ZDHHC14: variants seen among roughly 807,000 people sequenced by gnomAD.
ZDHHC14 encodes palmitoyltransferase ZDHHC14.
A neutral mutation model predicts 47.7 loss-of-function variants in ZDHHC14; 16 were observed. That is an observed-to-expected ratio of 0.34 (90% CI 0.23 to 0.51). The LOEUF (loss-of-function observed/expected upper bound fraction) is 0.51. Ranked by LOEUF, ZDHHC14 falls within the 20% of genes least tolerant of loss-of-function variation. The pLI is 0.97. For synonymous variants in ZDHHC14, 293 were observed against 278.9 expected (o/e 1.05, Z -0.50); for missense variants, 515 against 662.5 (o/e 0.78, Z 2.44).
chr6:157,437,442 C>T (rs150836882), intron 1 of ZDHHC14, among the ~76,000 whole-genome samples: 2,279 of 152,296 alleles, frequency 0.015, 31 homozygotes, highest in Non-Finnish European at 0.023. Context: ...GTTCTGTCTC[C>T]AGCCTTGAAC....
At chr6:157,395,239 C>T (rs542407691) in intron 1 of ZDHHC14, among the ~76,000 whole-genome samples, 1 of 151,706 alleles carries the variant, frequency 6.6e-6, no homozygotes, top group African/African-American at 2.4e-5. Context: ...TAGCTTACCA[C>T]AGCCGTGACC....
At chr6:157,608,609 T>G (rs972551731) in intron 3 of ZDHHC14, among the ~76,000 whole-genome samples, 2 of 151,988 alleles carry the variant, frequency 1.3e-5, no homozygotes, top group African/African-American at 4.8e-5. Flanking sequence ...GGACCAGAGG[T>G]GTGGCTGACG....
At chr6:157,429,579 A>G (rs558818434) in intron 1 of ZDHHC14, among the ~76,000 whole-genome samples, 4 of 126,900 alleles carry the variant, frequency 3.2e-5, no homozygotes, top group African/African-American at 9.1e-5. Context: ...GGAAGGAAGG[A>G]AGGGAGGGAG....
intron 3 of ZDHHC14, among the ~76,000 whole-genome samples, chr6:157,605,118 A>T (rs190255039): frequency 6.6e-6 from 1 of 152,368 alleles, no homozygotes; most frequent in East Asian, 1.9e-4. Flanking sequence ...AAACTTTGAT[A>T]GTGAATAATA....
chr6:157,411,174 G>C (rs755365717), intron 1 of ZDHHC14, among the ~76,000 whole-genome samples: 2 of 152,192 alleles, frequency 1.3e-5, no homozygotes, highest in Non-Finnish European at 2.9e-5. Context: ...GGTAGGGGTA[G>C]TGATGAAACT....
chr6:157,414,821 C>CA (rs1777940854), intron 1 of ZDHHC14, among the ~76,000 whole-genome samples: 2 of 111,994 alleles, frequency 1.8e-5, no homozygotes, highest in African/African-American at 6.9e-5. Flanking sequence ...AGGTTTGCAG[C>CA]TTTTTTTTTT....
chr6:157,458,849 A>ATTTTTTTTTTGTTTTTTTTTTTTTTTT (rs1778992571), intron 1 of ZDHHC14, among the ~76,000 whole-genome samples: 1 of 81,226 alleles, frequency 1.2e-5, no homozygotes, highest in African/African-American at 4.6e-5. Context: ...ATGTGGGTGG[A>ATTTTTTTTTTGTTTTTTTTTTTTTTTT]TTTTTTTTTT....
chr6:157,632,575 G>C (rs150477765), intron 4 of ZDHHC14: 1 of 522,338 alleles, frequency 1.9e-6, no homozygotes, highest in Non-Finnish European at 3.4e-6. Context: ...ATAATTTACG[G>C]GAAAGTGTGC....
chr6:157,551,578 G>A (rs1324426451), intron 2 of ZDHHC14, among the ~76,000 whole-genome samples: 2 of 152,204 alleles, frequency 1.3e-5, no homozygotes, highest in African/African-American at 4.8e-5. Flanking sequence ...TGACTCACCT[G>A]GTAAATCAGA....
At chr6:157,492,212 C>CCCCCA (rs1779942958) in intron 1 of ZDHHC14, among the ~76,000 whole-genome samples, 1 of 147,536 alleles carries the variant, frequency 6.8e-6, no homozygotes, top group African/African-American at 2.5e-5. Context: ...CCCCGCCCCC[C>CCCCCA]AGCCACTGTA....
chr6:157,419,837 G>A (rs1778060272), intron 1 of ZDHHC14, among the ~76,000 whole-genome samples: 1 of 152,210 alleles, frequency 6.6e-6, no homozygotes. Context: ...TGGTAAGACT[G>A]TGTTTAGCTG....
chr6:157,385,174 G>C (rs530536148), intron 1 of ZDHHC14, among the ~76,000 whole-genome samples: 1 of 151,946 alleles, frequency 6.6e-6, no homozygotes, highest in Non-Finnish European at 1.5e-5. Context: ...CTGTAGCCTT[G>C]ACCGCCGAGG....
chr6:157,595,495 C>T (rs562662434), intron 3 of ZDHHC14, among the ~76,000 whole-genome samples: 1 of 152,214 alleles, frequency 6.6e-6, no homozygotes, highest in South Asian at 2.1e-4. Context: ...CCGGCCTAGG[C>T]TAGATTTTTA....
At chr6:157,549,193 C>G (rs1038591300) in intron 2 of ZDHHC14, among the ~76,000 whole-genome samples, 1 of 152,226 alleles carries the variant, frequency 6.6e-6, no homozygotes, top group Non-Finnish European at 1.5e-5. Flanking sequence ...TGGCACTTCC[C>G]CTTCCCATGG....
rs545533047 is a variant in ZDHHC14 at position 157,516,074 on chromosome 6, C to T, written c.246-26511C>T. Among the ~76,000 whole-genome samples, 10 of 152,316 alleles carry T rather than the reference C, an allele frequency of 6.6e-5. No individual in the cohort carries two copies. The South Asian group carries it at 1.9e-3, about 28-fold the overall frequency. Reference sequence around the variant, plus strand: ...AACCGCTACCCTGCCCTCTAGCATCCTAGGTTTCATTTTGCCTGCTTATAA... The same window carrying T: ...AACCGCTACCCTGCCCTCTAGCATCTTAGGTTTCATTTTGCCTGCTTATAA... On this transcript the variant is annotated intron_variant, in intron 1 of 8. Coordinates refer to ENST00000359775, the MANE Select transcript of ZDHHC14 (RefSeq NM_024630.3).
chr6:157,417,595 T>C (rs900415632), intron 1 of ZDHHC14, among the ~76,000 whole-genome samples: 3 of 152,198 alleles, frequency 2.0e-5, no homozygotes, highest in Non-Finnish European at 4.4e-5. Flanking sequence ...GTGCCTTTGT[T>C]TGTAGGATCA....
chr6:157,469,309 CTG>C (rs997225138), intron 1 of ZDHHC14, among the ~76,000 whole-genome samples: 25 of 152,214 alleles, frequency 1.6e-4, no homozygotes, highest in African/African-American at 5.8e-4. Flanking sequence ...GGGTTGTACA[CTG>C]TGTTACCCTC....
At chr6:157,495,695 A>ATT (rs71027341) in intron 1 of ZDHHC14, among the ~76,000 whole-genome samples, 8,636 of 104,202 alleles carry the variant, frequency 0.083, 910 homozygotes, top group Non-Finnish European at 0.12. Context: ...TTCGGGTTGA[A>ATT]TTTTTTTTTT....
chr6:157,432,137 G>A (rs1339730853), intron 1 of ZDHHC14, among the ~76,000 whole-genome samples: 2 of 152,214 alleles, frequency 1.3e-5, no homozygotes, highest in Non-Finnish European at 2.9e-5. Flanking sequence ...GGTGAAGAGT[G>A]CAGAGTTCAC....
Sources: allele counts gnomAD v4.1 joint callset (sites outside exome capture counted in the v4.1 genomes callset), GRCh38; gene constraint gnomAD v4.1.1; transcripts MANE v1.5; gene names NCBI Gene and HGNC (gene_info 2026-07-23, HGNC 2026-07-21).